The following ADARB2 variants were observed in gnomAD, a reference collection of about 807,000 sequenced individuals.
ADARB2 encodes the protein adenosine deaminase RNA specific B2 (inactive).
In ADARB2, 25 loss-of-function variants were observed where a neutral mutation model predicts 62.2. The ratio of observed to expected loss-of-function variants is 0.40; its 90% confidence interval spans 0.29 to 0.56. The LOEUF (loss-of-function observed/expected upper bound fraction) is 0.56, where lower values mean the gene tolerates loss of function less well. Among genes scored for constraint, ADARB2 ranks in the 20% least tolerant of loss-of-function variants. ADARB2 has a pLI of 0.43. For missense variants in ADARB2, 1,071 were observed against 1,077.4 expected (o/e 0.99, Z 0.08); for synonymous variants, 572 against 500.8 (o/e 1.14, Z -1.90).
chr10:1,436,724 C>A (rs539469038), intron 1 of ADARB2, among the ~76,000 whole-genome samples: 3 of 152,140 alleles, frequency 2.0e-5, no homozygotes, highest in Non-Finnish European at 2.9e-5. Context: ...TTGCTTTAAA[C>A]GAGTGATTTC....
rs141929310 is a variant in ADARB2 at position 1,471,561 on chromosome 10, T to C, written c.101-92401A>G. Among the ~76,000 whole-genome samples the C allele has an allele frequency of 3.8e-3, 585 of 152,032 alleles. 7 individuals are homozygous for C. The highest frequency in any genetic ancestry group is 0.022 in the East Asian group (111 of 5,162). ...ATACGCCACCATGCCTGGCTAATTT[T>C]TTTGTATTTTTAGTAAAGACAGTGT... On this transcript the variant is annotated intron_variant, in intron 1 of 9. Coordinates refer to ENST00000381312, the MANE Select transcript of ADARB2 (RefSeq NM_018702.4).
intron 1 of ADARB2, among the ~76,000 whole-genome samples, chr10:1,473,826 C>T (rs1831358762): frequency 2.0e-5 from 3 of 152,226 alleles, no homozygotes; most frequent in Admixed American, 2.0e-4. Context: ...TGGGTGGCTT[C>T]TGGGGTGTTC....
At chr10:1,244,452 C>A (rs76492746) in intron 4 of ADARB2, among the ~76,000 whole-genome samples, 1 of 152,170 alleles carries the variant, frequency 6.6e-6, no homozygotes, top group Non-Finnish European at 1.5e-5. Flanking sequence ...CTTTGGATTC[C>A]GTGGAAATTG....
intron 3 of ADARB2, among the ~76,000 whole-genome samples, chr10:1,314,069 G>T (rs1238595511): frequency 6.6e-6 from 1 of 152,248 alleles, no homozygotes; most frequent in Non-Finnish European, 1.5e-5. Flanking sequence ...GAGCCCTGTG[G>T]ACCTGAGGCT....
In ADARB2 at chr10:1,184,884, G is replaced by A. The variant is rs137892593; in HGVS notation, c.2020C>T (p.Arg674Trp). 1.1e-4 allele frequency: 177 copies of A among 1,613,674 alleles called. No homozygotes were observed. The Middle Eastern group carries it at 2.3e-3, about 21-fold the overall frequency. ...ACCCTGCCATACAGCCGCGCCCACC[G>A]TGCAGACAGCACGTGCTTGCAGAGC... ...SRLCKHVLSA[R>W]WARLYGRLST... The change falls in exon 9 of 10, where the codon CGG (arginine) becomes TGG (tryptophan). Residue 674 changes from arginine to tryptophan, a missense_variant. Coordinates refer to ENST00000381312, the MANE Select transcript of ADARB2 (RefSeq NM_018702.4).
chr10:1,601,497 A>G (rs1833412210), intron 1 of ADARB2, among the ~76,000 whole-genome samples: 1 of 152,244 alleles, frequency 6.6e-6, no homozygotes, highest in Admixed American at 6.5e-5. Context: ...CTACTTTAAA[A>G]AATAAACACC....
intron 1 of ADARB2, among the ~76,000 whole-genome samples, chr10:1,727,285 GC>G (rs1835178793): frequency 6.6e-6 from 1 of 152,108 alleles, no homozygotes; most frequent in Non-Finnish European, 1.5e-5. Flanking sequence ...ACCCACACCT[GC>G]GGGGAGCCCC....
chr10:1,675,283 G>A (rs1383310693), intron 1 of ADARB2: 2 of 975,462 alleles, frequency 2.1e-6, no homozygotes, highest in Non-Finnish European at 2.4e-6. Flanking sequence ...TGGGTTCAGG[G>A]ATGCATGGAT....
chr10:1,340,931 C>T (rs372332229), intron 3 of ADARB2, among the ~76,000 whole-genome samples: 37 of 150,714 alleles, frequency 2.5e-4, no homozygotes, highest in East Asian at 1.2e-3. Flanking sequence ...CAAAGTGTCC[C>T]GCAGTGGTGA....
At chr10:1,618,903 G>A (rs868500919) in intron 1 of ADARB2, among the ~76,000 whole-genome samples, 12 of 152,174 alleles carry the variant, frequency 7.9e-5, no homozygotes, top group Middle Eastern at 3.2e-3. Context: ...TCCTCCAAAA[G>A]CAACTATACA....
chr10:1,314,045 G>A (rs552116076), intron 3 of ADARB2, among the ~76,000 whole-genome samples: 42 of 152,354 alleles, frequency 2.8e-4, no homozygotes, highest in African/African-American at 8.9e-4. Flanking sequence ...CACACAGCCC[G>A]TGCCACAGCT....
chr10:1,715,815 G>A (rs1007775301), intron 1 of ADARB2, among the ~76,000 whole-genome samples: 2 of 152,226 alleles, frequency 1.3e-5, no homozygotes, highest in Admixed American at 6.5e-5. Context: ...GCACAGTTAG[G>A]CAATGGCCTC....
At chr10:1,387,693 A>T (rs1832536487) in intron 1 of ADARB2, among the ~76,000 whole-genome samples, 1 of 152,028 alleles carries the variant, frequency 6.6e-6, no homozygotes, top group African/African-American at 2.4e-5. Context: ...AATTATACCA[A>T]TTCTGTGCAA....
chr10:1,279,999 T>C (rs1213142564), intron 3 of ADARB2, among the ~76,000 whole-genome samples: 3 of 152,128 alleles, frequency 2.0e-5, no homozygotes, highest in African/African-American at 7.2e-5. Flanking sequence ...GATGAGTGCA[T>C]TTGCCATGCA....
chr10:1,588,948 A>G (rs1833213330), intron 1 of ADARB2, among the ~76,000 whole-genome samples: 1 of 152,188 alleles, frequency 6.6e-6, no homozygotes, highest in South Asian at 2.1e-4. Flanking sequence ...CCAGAACCAC[A>G]GCACAGCACC....
intron 3 of ADARB2, among the ~76,000 whole-genome samples, chr10:1,332,415 C>T: frequency 9.9e-6 from 1 of 100,930 alleles, no homozygotes. Context: ...GACCTTGTCT[C>T]AGAAAAAAAA....
chr10:1,690,275 T>C (rs1588353653), intron 1 of ADARB2, among the ~76,000 whole-genome samples: 1 of 152,248 alleles, frequency 6.6e-6, no homozygotes, highest in Non-Finnish European at 1.5e-5. Context: ...CCAGAAAGTA[T>C]TGTTTTGATA....
At chr10:1,599,464 C>A (rs1833379712) in intron 1 of ADARB2, among the ~76,000 whole-genome samples, 1 of 152,208 alleles carries the variant, frequency 6.6e-6, no homozygotes, top group South Asian at 2.1e-4. Flanking sequence ...ATTTCCACGA[C>A]CATCTCACAT....
At chr10:1,635,428 C>T (rs1218732976) in intron 1 of ADARB2, among the ~76,000 whole-genome samples, 1 of 152,192 alleles carries the variant, frequency 6.6e-6, no homozygotes, top group Non-Finnish European at 1.5e-5. Context: ...GCCTTGAGAC[C>T]ACAGCGCTGT....
Sources: allele counts gnomAD v4.1 joint callset (sites outside exome capture counted in the v4.1 genomes callset), GRCh38; gene constraint gnomAD v4.1.1; transcripts MANE v1.5; gene names NCBI Gene and HGNC (gene_info 2026-07-23, HGNC 2026-07-21).